SPINK9: variants seen among roughly 807,000 people sequenced by gnomAD.
SPINK9 encodes the protein serine peptidase inhibitor Kazal type 9.
In SPINK9, 3 loss-of-function variants were observed where a neutral mutation model predicts 10.8. That is an observed-to-expected ratio of 0.28 (90% CI 0.13 to 0.72). The LOEUF (loss-of-function observed/expected upper bound fraction) is 0.72, where lower values mean the gene tolerates loss of function less well. Ranked by LOEUF, SPINK9 falls within the 30% of genes least tolerant of loss-of-function variation. The pLI is 0.74. For synonymous variants in SPINK9, 30 were observed against 31.2 expected, an observed-to-expected ratio of 0.96 and a Z score of 0.12; for missense variants, 101 against 103.2, an observed-to-expected ratio of 0.98 and a Z score of 0.09.
chr5:148,328,571 G>A (rs1022021034), intron 2 of SPINK9, among the ~76,000 whole-genome samples: 1 of 152,148 alleles, frequency 6.6e-6, no homozygotes, highest in Non-Finnish European at 1.5e-5. Context: ...GGGCATCCTT[G>A]TCTTGTGCCA....
chr5:148,339,305 T>C (rs1757257846), intron 3 of SPINK9, among the ~76,000 whole-genome samples: 1 of 152,050 alleles, frequency 6.6e-6, no homozygotes, highest in Non-Finnish European at 1.5e-5. Context: ...AAAATATAGA[T>C]GAATTAGATG....
At chr5:148,327,074 C>T (rs1439962166) in intron 2 of SPINK9, among the ~76,000 whole-genome samples, 2 of 152,082 alleles carry the variant, frequency 1.3e-5, no homozygotes, top group East Asian at 1.9e-4. Flanking sequence ...TTCTAGATCC[C>T]CGAGGAATCG....
In SPINK9 at chr5:148,323,792, A is replaced by T. The variant is rs1322265312; in HGVS notation, c.42A>T (p.Lys14Asn). ...CTTCTCATCATTGTTTTCATTATAA[A>T]ACTCCACCAAGCAGCTCAGGAGAAC... The change falls in exon 2 of 5, where the codon AAA becomes AAT. Residue 14 changes from lysine to asparagine, a missense_variant. Lys to Asn is a moderately conservative substitution (Grantham distance 94). Transcript: ENST00000511717. The T allele has an allele frequency of 1.0e-5, 7 of 701,092 alleles. No homozygotes were observed. The Admixed American group carries it at 1.4e-4, about 14-fold the overall frequency. The allele number at this position is 701,092 out of a possible 1,614,324, so 43.4% of individuals were successfully genotyped here.
At chr5:148,330,964 C>T (rs1336058697), upstream of SPINK9, among the ~76,000 whole-genome samples, 3 of 152,126 alleles carry the variant, frequency 2.0e-5, no homozygotes, top group Non-Finnish European at 4.4e-5. Context: ...GGGAGTGACC[C>T]GATTTTCCAG....
chr5:148,334,474 G>A (rs1041507267), upstream of SPINK9, among the ~76,000 whole-genome samples: 1 of 152,108 alleles, frequency 6.6e-6, no homozygotes, highest in African/African-American at 2.4e-5. Flanking sequence ...ACTTTGGGAG[G>A]CCAAGGCAGG....
chr5:148,338,383 G>T (rs1757245013), intron 2 of SPINK9, 95 bp from the exon 3 acceptor site: 2 of 1,072,472 alleles, frequency 1.9e-6, no homozygotes, highest in Non-Finnish European at 2.7e-6. Context: ...TAAGAAACAT[G>T]CATTGAGAGC....
At chr5:148,330,333 C>A (rs963745533) in intron 2 of SPINK9, among the ~76,000 whole-genome samples, 1 of 152,104 alleles carries the variant, frequency 6.6e-6, no homozygotes, top group Non-Finnish European at 1.5e-5. Context: ...GCAACCCCTG[C>A]CTTTTTTTGT....
chr5:148,336,905 A>G (rs1430141068), intron 2 of SPINK9, among the ~76,000 whole-genome samples: 2 of 152,132 alleles, frequency 1.3e-5, no homozygotes, highest in African/African-American at 4.8e-5. Flanking sequence ...GGTTACAGTA[A>G]TGAGTATTGT....
Position 148,336,429 on chromosome 5 carries a change from A to G in SPINK9, c.63A>G (p.Glu21=), listed in dbSNP as rs1391358064. ...ALTLATMFSI[E]CAKQTKQMVD... Reference sequence around the variant, plus strand: ...TCTTTGTTTTTCTTCCAGGTATAGAATGTGCCAAACAGACGAAACAGATGG... The same window carrying G: ...TCTTTGTTTTTCTTCCAGGTATAGAGTGTGCCAAACAGACGAAACAGATGG... The change falls in exon 2 of 4, where the codon GAA becomes GAG. Residue 21 remains glutamate (E), a synonymous_variant. Transcript: ENST00000377906. The G allele has an allele frequency of 6.2e-7, 1 of 1,613,466 alleles. No individual in the cohort carries two copies. Among genetic ancestry groups the G allele is most frequent in the Non-Finnish European group, 8.5e-7 (1 of 1,179,652 alleles).
chr5:148,331,936 T>C (rs778734817), upstream of SPINK9, among the ~76,000 whole-genome samples: 8 of 152,176 alleles, frequency 5.3e-5, no homozygotes, highest in Non-Finnish European at 1.0e-4. Flanking sequence ...ATAGGGAATA[T>C]GTTGAATCTG....
upstream of SPINK9, among the ~76,000 whole-genome samples, chr5:148,331,555 C>A (rs923108391): frequency 6.6e-6 from 1 of 152,082 alleles, no homozygotes; most frequent in Non-Finnish European, 1.5e-5. Flanking sequence ...TTTTGGTGAT[C>A]TATTGCACAG....
intron 2 of SPINK9, among the ~76,000 whole-genome samples, chr5:148,330,163 G>GA (rs1224192068): frequency 6.6e-6 from 1 of 152,124 alleles, no homozygotes; most frequent in Non-Finnish European, 1.5e-5. Context: ...GGTCACTAAG[G>GA]ACTTGCTTTA....
chr5:148,333,039 A>C (rs1757170602), upstream of SPINK9, among the ~76,000 whole-genome samples: 1 of 152,162 alleles, frequency 6.6e-6, no homozygotes, highest in Non-Finnish European at 1.5e-5. Flanking sequence ...AATGACAAAA[A>C]CTTTATCACA....
intron 1 of SPINK9, among the ~76,000 whole-genome samples, chr5:148,322,157 C>A (rs1757006471): frequency 6.6e-6 from 1 of 152,144 alleles, no homozygotes; most frequent in Non-Finnish European, 1.5e-5. Flanking sequence ...TCACTATAGT[C>A]TACAGCCTGT....
At chr5:148,323,767 C>T in exon 2 of SPINK9, 2 of 699,758 alleles carry the variant, frequency 2.9e-6, no homozygotes, top group South Asian at 3.0e-5. Flanking sequence ...TTTATGAATC[C>T]TTCTCATCAT....
intron 2 of SPINK9, among the ~76,000 whole-genome samples, chr5:148,337,403 G>GATGA (rs1393502725): frequency 6.6e-6 from 1 of 152,168 alleles, no homozygotes; most frequent in Non-Finnish European, 1.5e-5. Flanking sequence ...TATGGAAGCT[G>GATGA]ATGAATGAAT....
At chr5:148,330,608 CT>C (rs1757135912), upstream of SPINK9, among the ~76,000 whole-genome samples, 3 of 152,292 alleles carry the variant, frequency 2.0e-5, no homozygotes, top group South Asian at 6.2e-4. Context: ...CCTTGATGGT[CT>C]TTACAATTTG....
At position 148,339,792 on chromosome 5, in the gene SPINK9, A is replaced by C. The variant is rs1227024325; in HGVS notation, c.*80A>C. 8.6e-7 allele frequency: 1 copy of C among 1,157,316 alleles called. No individual in the cohort carries two copies. Among genetic ancestry groups the C allele is most frequent in the Non-Finnish European group, 1.3e-6 (1 of 773,462 alleles). The allele number at this position is 1,157,316 out of a possible 1,614,324, so 71.7% of individuals were successfully genotyped here. ...TTTCTGTTCCCATATTATCTATGCC[A>C]CATTGCCTACTCATCACCATATGTA... On this transcript the variant is annotated 3_prime_UTR_variant, in exon 4 of 4. Coordinates refer to ENST00000377906, the MANE Select transcript of SPINK9 (RefSeq NM_001040433.2).
chr5:148,329,346 G>T (rs112944793), intron 2 of SPINK9, among the ~76,000 whole-genome samples: 1 of 152,074 alleles, frequency 6.6e-6, no homozygotes, highest in African/African-American at 2.4e-5. Context: ...GGGATTGGTG[G>T]TGATATCCCC....
Sources: gnomAD v4.1 joint callset for allele counts (sites outside exome capture counted in the v4.1 genomes callset) on GRCh38, gnomAD v4.1.1 for gene constraint, MANE v1.5 for transcripts, NCBI Gene and HGNC (gene_info 2026-07-23, HGNC 2026-07-21) for gene names.